The following XPO1 variants were observed in gnomAD, a reference collection of about 807,000 sequenced individuals.
The protein encoded by XPO1 is exportin-1.
Under a neutral mutation model 133.3 loss-of-function variants are expected in XPO1, and 5 were observed. The ratio of observed to expected loss-of-function variants is 0.04; its 90% confidence interval spans 0.02 to 0.08. The LOEUF (loss-of-function observed/expected upper bound fraction) is 0.08. Among genes scored for constraint, XPO1 ranks in the 10% least tolerant of loss-of-function variants. The probability of loss-of-function intolerance (pLI) is 1.00; values close to 1 mark genes in which losing one functional copy is unlikely to be tolerated. For synonymous variants in XPO1, 419 were observed against 408.2 expected (o/e 1.03, Z -0.32); for missense variants, 506 against 1,267.5 (o/e 0.40, Z 9.12).
intron 4 of XPO1, among the ~76,000 whole-genome samples, chr2:61,516,210 CAGG>C (rs1044199226): frequency 1.3e-5 from 2 of 150,232 alleles, no homozygotes; most frequent in African/African-American, 4.9e-5. Flanking sequence ...GAGGCTGAGG[CAGG>C]AGAATAGCTT....
intron 1 of XPO1, chr2:61,537,189 A>G (rs1487239090): frequency 2.0e-5 from 3 of 151,700 alleles, no homozygotes; most frequent in African/African-American, 7.3e-5. Context: ...TTCCACTCCT[A>G]ATAATTTACA....
intron 6 of XPO1, among the ~76,000 whole-genome samples, chr2:61,501,346 G>A (rs1697507079): frequency 6.6e-6 from 1 of 152,086 alleles, no homozygotes; most frequent in African/African-American, 2.4e-5. Context: ...ACTAAGCATG[G>A]AAATCAATTA....
chr2:61,479,506 G>A (rs1696229408), intron 24 of XPO1, among the ~76,000 whole-genome samples: 2 of 152,038 alleles, frequency 1.3e-5, no homozygotes, highest in Admixed American at 1.3e-4. Context: ...AGTCTTCAAT[G>A]TGATTATTAT....
chr2:61,535,525 T>G (rs1699320926), intron 1 of XPO1, among the ~76,000 whole-genome samples: 1 of 152,222 alleles, frequency 6.6e-6, no homozygotes, highest in Non-Finnish European at 1.5e-5. Flanking sequence ...TTCCTGGCTA[T>G]TTTATAACAG....
intron 4 of XPO1, among the ~76,000 whole-genome samples, chr2:61,510,915 G>A (rs1698062606): frequency 6.7e-6 from 1 of 148,976 alleles, no homozygotes. Context: ...TCCAGCTTGG[G>A]CGACAGCGTG....
At chr2:61,520,291 T>C (rs1280861714) in intron 4 of XPO1, among the ~76,000 whole-genome samples, 1 of 152,122 alleles carries the variant, frequency 6.6e-6, no homozygotes, top group Non-Finnish European at 1.5e-5. Context: ...TGTTCAGAAG[T>C]TCTAGTGTAT....
At chr2:61,491,450 CAA>C (rs1444534833) in intron 16 of XPO1, among the ~76,000 whole-genome samples, 56 of 113,756 alleles carry the variant, frequency 4.9e-4, no homozygotes, top group African/African-American at 2.0e-3. Context: ...AACTCCATCT[CAA>C]AAAACAAACA....
At chr2:61,506,598 C>CAA (rs71405128) in intron 4 of XPO1, among the ~76,000 whole-genome samples, 5 of 81,414 alleles carry the variant, frequency 6.1e-5, no homozygotes, top group Non-Finnish European at 9.1e-5. Context: ...GATTCCGTCT[C>CAA]AAAAAAAAAA....
intron 4 of XPO1, among the ~76,000 whole-genome samples, chr2:61,514,865 G>C (rs1047353880): frequency 3.3e-5 from 5 of 151,864 alleles, no homozygotes; most frequent in African/African-American, 7.3e-5. Context: ...ACCTGAGGTC[G>C]GGAGTTTGAG....
rs532644168 is a variant in XPO1, at chr2:61,479,391, G to A, written c.3070-425C>T. Reference sequence around the variant, plus strand: ...CACTTGAACCTGCATGGCGGAGGTTGCAGTGAGCCAAGATCACGCCACTGC... The same window carrying A: ...CACTTGAACCTGCATGGCGGAGGTTACAGTGAGCCAAGATCACGCCACTGC... On this transcript the variant is annotated intron_variant, in intron 24 of 24. Transcript: ENST00000401558. Among the ~76,000 whole-genome samples the A allele has an allele frequency of 2.6e-5, 4 of 151,976 alleles. No homozygotes were observed. The East Asian group carries it at 5.8e-4, about 22-fold the overall frequency.
At chr2:61,520,080 G>A (rs1417621717) in intron 4 of XPO1, among the ~76,000 whole-genome samples, 3 of 151,890 alleles carry the variant, frequency 2.0e-5, no homozygotes, top group Non-Finnish European at 1.5e-5. Flanking sequence ...AGTAGTAATC[G>A]GTACAAAGGA....
chr2:61,481,309 A>G lies in XPO1; in HGVS notation c.2973-28T>C, dbSNP rs372560394. 4.5e-6 allele frequency: 7 copies of G among 1,562,336 alleles called. No individual in the cohort carries two copies. In the African/African-American group the frequency reaches 8.2e-5, roughly 18 times the overall value. Reference sequence around the variant, plus strand: ...GCAAATCAAAACACAATGATTAAATAATGATTTATTTTTCCCCCGAGACAG... The same window carrying G: ...GCAAATCAAAACACAATGATTAAATGATGATTTATTTTTCCCCCGAGACAG... On this transcript the variant is annotated intron_variant, in intron 23 of 24. Transcript: ENST00000401558.
At chr2:61,526,199 A>G (rs1318816870) in intron 3 of XPO1, 44 of 1,340,440 alleles carry the variant, frequency 3.3e-5, no homozygotes, top group Non-Finnish European at 4.2e-5. Flanking sequence ...CAGACAACCA[A>G]AAAAGCCACC....
At chr2:61,488,091 A>G (rs1161238152) in intron 19 of XPO1, 74 bp downstream of exon 19, 22 of 1,318,430 alleles carry the variant, frequency 1.7e-5, no homozygotes, top group Admixed American at 5.7e-5. Flanking sequence ...CAAAATGCAC[A>G]TAATAGAGTA....
At chr2:61,493,591 C>T in intron 12 of XPO1, 2 of 263,968 alleles carry the variant, frequency 7.6e-6, no homozygotes, top group South Asian at 8.0e-5. Context: ...TTTTTTTAAC[C>T]AACTTCTGTT....
rs1285861651 is a variant in XPO1 at position 61,478,540 on chromosome 2, C to T, written c.*280G>A. ...TATATGTTCAAATCGAATTTGCCTC[C>T]TCCCCCCAGCCCAGCCACAAAAATG... On this transcript the variant is annotated 3_prime_UTR_variant, in exon 25 of 25. Coordinates refer to ENST00000401558, the MANE Select transcript of XPO1 (RefSeq NM_003400.4). The T allele has an allele frequency of 5.7e-6, 2 of 351,204 alleles. No individual in the cohort carries two copies. Among genetic ancestry groups the T allele is most frequent in the Non-Finnish European group, 1.0e-5 (2 of 196,282 alleles). The allele number at this position is 351,204 out of a possible 1,614,324, so 21.8% of individuals were successfully genotyped here.
chr2:61,490,301 T>C (rs1479859355), intron 17 of XPO1, among the ~76,000 whole-genome samples: 1 of 151,132 alleles, frequency 6.6e-6, no homozygotes, highest in Non-Finnish European at 1.5e-5. Flanking sequence ...TGGGTTCAAG[T>C]GATTCTCCTG....
chr2:61,505,929 C>A (rs1697787525), intron 4 of XPO1, among the ~76,000 whole-genome samples: 1 of 152,134 alleles, frequency 6.6e-6, no homozygotes, highest in Non-Finnish European at 1.5e-5. Context: ...TACATCTAAT[C>A]AAAAATTCCG....
At chr2:61,520,094 G>A (rs902383291) in intron 4 of XPO1, among the ~76,000 whole-genome samples, 1 of 152,096 alleles carries the variant, frequency 6.6e-6, no homozygotes, top group East Asian at 1.9e-4. Flanking sequence ...CAAAGGAAAC[G>A]CACAATATGC....
Sources: allele counts gnomAD v4.1 joint callset (sites outside exome capture counted in the v4.1 genomes callset), GRCh38; gene constraint gnomAD v4.1.1; transcripts MANE v1.5; gene names NCBI Gene and HGNC (gene_info 2026-07-23, HGNC 2026-07-21).